The following SULT1B1 variants were observed in gnomAD, a reference collection of about 807,000 sequenced individuals.
SULT1B1 encodes sulfotransferase family 1B member 1.
A neutral mutation model predicts 34.6 loss-of-function variants in SULT1B1; 28 were observed. That is an observed-to-expected ratio of 0.81 (90% CI 0.60 to 1.11). The LOEUF (loss-of-function observed/expected upper bound fraction) is 1.11, where lower values mean the gene tolerates loss of function less well. Among genes scored for constraint, SULT1B1 ranks in the 50% least tolerant of loss-of-function variants. The probability of loss-of-function intolerance (pLI) is 0.00; values close to 1 mark genes in which losing one functional copy is unlikely to be tolerated. For missense variants in SULT1B1, 374 were observed against 352.2 expected (o/e 1.06, Z -0.50); for synonymous variants, 147 against 110.2 (o/e 1.33, Z -2.09).
chr4:69,733,728 G>A (rs1718180653), intron 5 of SULT1B1, among the ~76,000 whole-genome samples: 1 of 152,012 alleles, frequency 6.6e-6, no homozygotes, highest in South Asian at 2.1e-4. Flanking sequence ...AAAATACACT[G>A]ACCTCCAAAA....
chr4:69,729,269 C>A (rs530502301), intron 7 of SULT1B1, among the ~76,000 whole-genome samples: 104 of 151,978 alleles, frequency 6.8e-4, no homozygotes, highest in African/African-American at 2.5e-3. Flanking sequence ...CAGTTTTTTT[C>A]CAACTAAAAG....
intron 3 of SULT1B1, among the ~76,000 whole-genome samples, chr4:69,750,385 T>C (rs138284983): frequency 2.0e-5 from 3 of 152,294 alleles, no homozygotes; most frequent in African/African-American, 7.2e-5. Context: ...TCTTTAGATA[T>C]TAGCTTAACT....
At chr4:69,739,219 G>A (rs1053341270) in intron 4 of SULT1B1, among the ~76,000 whole-genome samples, 40 of 152,166 alleles carry the variant, frequency 2.6e-4, no homozygotes, top group Admixed American at 1.8e-3. Context: ...CCCCAGTAGG[G>A]ACTCTGTGTG....
chr4:69,751,834 T>C (rs563068392), intron 3 of SULT1B1, among the ~76,000 whole-genome samples: 19 of 152,324 alleles, frequency 1.2e-4, no homozygotes, highest in Admixed American at 1.2e-3. Context: ...CTGCATATCC[T>C]CCCTCTCTAT....
chr4:69,733,075 T>C (rs1033961092), intron 6 of SULT1B1, among the ~76,000 whole-genome samples: 2 of 152,068 alleles, frequency 1.3e-5, no homozygotes, highest in Non-Finnish European at 2.9e-5. Flanking sequence ...AACTCGAATA[T>C]AGCAAACAAT....
chr4:69,740,880 TATTTA>T (rs1487830422), intron 4 of SULT1B1, among the ~76,000 whole-genome samples: 1 of 152,216 alleles, frequency 6.6e-6, no homozygotes, highest in Admixed American at 6.5e-5. Context: ...ATGCAGAAAC[TATTTA>T]ATTTAATTAG....
intron 6 of SULT1B1, among the ~76,000 whole-genome samples, chr4:69,731,948 G>A (rs183686896): frequency 2.0e-4 from 30 of 152,238 alleles, no homozygotes; most frequent in Admixed American, 1.8e-3. Flanking sequence ...TGGAGAAAAG[G>A]GACTATTGCC....
intron 7 of SULT1B1, among the ~76,000 whole-genome samples, chr4:69,728,633 C>CA (rs936105781): frequency 7.0e-5 from 1 of 14,340 alleles, no homozygotes; most frequent in African/African-American, 2.9e-4. Flanking sequence ...CTGGATACAT[C>CA]AGGGAAGGAA....
chr4:69,730,645 G>T lies in SULT1B1; in HGVS notation c.634C>A (p.Leu212Ile). 6.2e-7 allele frequency: 1 copy of T among 1,612,760 alleles called. No homozygotes were observed. Among genetic ancestry groups the T allele is most frequent in the Non-Finnish European group, 8.5e-7 (1 of 1,179,634 alleles). Residue 212 changes from leucine (L) to isoleucine (I), a missense_variant, in exon 7 of 8, where the codon CTA becomes ATA. By Grantham distance (5) the Leu-to-Ile change is conservative. Transcript: ENST00000310613. ...KEEIKKIIRF[L>I]EKNLNDEILD... ...ATCTCATCATTCAGGTTCTTCTCTA[G>T]AAATCTAATGATCTTCTTGATTTCC...
rs1717786872 is a variant in SULT1B1, at chr4:69,725,082, GCAACCTAC to G, written c.*1998_*2005del. On this transcript the variant is annotated 3_prime_UTR_variant, in exon 8 of 8. Transcript: ENST00000310613. ...AAGAAACTACCATCAGCGTGAACAG[GCAACCTAC>G]AGAATGGGAGAAAATTTTTGCAATC... 6.8e-6 allele frequency: 1 copy of G among 147,048 alleles called. No homozygotes were observed. The highest frequency in any genetic ancestry group is 2.7e-5 in the African/African-American group (1 of 36,682). 9.1% of individuals were successfully genotyped at this position (147,048 alleles called of 1,614,324 possible). A position where few individuals can be genotyped will look rare whatever the true frequency, so the allele number is the denominator to read the frequency against.
intron 4 of SULT1B1, among the ~76,000 whole-genome samples, chr4:69,747,394 G>A (rs1718792393): frequency 2.0e-5 from 3 of 152,210 alleles, no homozygotes; most frequent in African/African-American, 7.2e-5. Context: ...TATGACAGCG[G>A]CTGCTGGCAA....
chr4:69,752,236 CT>C (rs1316685573), intron 3 of SULT1B1, among the ~76,000 whole-genome samples: 5 of 151,964 alleles, frequency 3.3e-5, no homozygotes, highest in Non-Finnish European at 5.9e-5. Flanking sequence ...GTCTAATTTT[CT>C]TTTTTAAATT....
chr4:69,744,172 G>A (rs910736658), intron 4 of SULT1B1, among the ~76,000 whole-genome samples: 2 of 152,064 alleles, frequency 1.3e-5, no homozygotes, highest in Admixed American at 6.5e-5. Flanking sequence ...CCCCATTGGC[G>A]GGTGACTGGG....
At chr4:69,727,409 T>C (rs530989832) in intron 7 of SULT1B1, among the ~76,000 whole-genome samples, 1 of 152,168 alleles carries the variant, frequency 6.6e-6, no homozygotes, top group East Asian at 1.9e-4. Context: ...TGGTTTATAA[T>C]TAAATAGAGT....
At position 69,758,673 on chromosome 4, in the gene SULT1B1, G is replaced by A. The variant is rs116149147; in HGVS notation, c.-45+1786C>T. Among the ~76,000 whole-genome samples the A allele has an allele frequency of 1.6e-3, 242 of 152,230 alleles. 2 individuals carry two copies. Among genetic ancestry groups the A allele is most frequent in the African/African-American group, 5.7e-3 (238 of 41,536 alleles). On this transcript the variant is annotated intron_variant, in intron 1 of 7. Coordinates refer to ENST00000310613, the MANE Select transcript of SULT1B1 (RefSeq NM_014465.4). Reference sequence around the variant, plus strand: ...AAAGTGAATGAATATTGAGGGAGCTGATACCCTTTTCATACTGTCTGCTAA... The same window carrying A: ...AAAGTGAATGAATATTGAGGGAGCTAATACCCTTTTCATACTGTCTGCTAA...
At chr4:69,734,297 T>A (rs757331064) in intron 4 of SULT1B1, 33 bp from the exon 5 acceptor site, 1 of 1,592,840 alleles carries the variant, frequency 6.3e-7, no homozygotes, top group Non-Finnish European at 8.5e-7. Context: ...GAGAAAAAAA[T>A]AAGATAAAAG....
intron 6 of SULT1B1, among the ~76,000 whole-genome samples, chr4:69,731,226 C>T (rs1718069246): frequency 6.6e-6 from 1 of 152,160 alleles, no homozygotes; most frequent in Non-Finnish European, 1.5e-5. Flanking sequence ...GCTCTGCCTC[C>T]TGTTAGATCA....
At chr4:69,741,944 A>C (rs1718567326) in intron 4 of SULT1B1, among the ~76,000 whole-genome samples, 1 of 152,088 alleles carries the variant, frequency 6.6e-6, no homozygotes, top group South Asian at 2.1e-4. Context: ...GAAAGTGGGC[A>C]TCCTTGTTTT....
intron 4 of SULT1B1, among the ~76,000 whole-genome samples, chr4:69,749,011 A>T (rs868270739): frequency 2.0e-5 from 3 of 152,128 alleles, no homozygotes; most frequent in Non-Finnish European, 4.4e-5. Context: ...TAGAGAAAAA[A>T]AGCAGAAATC....
Sources: gnomAD v4.1 joint callset for allele counts (sites outside exome capture counted in the v4.1 genomes callset) on GRCh38, gnomAD v4.1.1 for gene constraint, MANE v1.5 for transcripts, NCBI Gene and HGNC (gene_info 2026-07-23, HGNC 2026-07-21) for gene names.